FMN1: variants seen among roughly 807,000 people sequenced by gnomAD.
The protein encoded by FMN1 is formin-1.
Under a neutral mutation model 132.4 loss-of-function variants are expected in FMN1, and 110 were observed. That is an observed-to-expected ratio of 0.83 (90% confidence interval 0.71 to 0.97). The LOEUF (loss-of-function observed/expected upper bound fraction) is 0.97, where lower values mean the gene tolerates loss of function less well. Among genes scored for constraint, FMN1 ranks in the 50% least tolerant of loss-of-function variants. The pLI, the probability that FMN1 is intolerant of heterozygous loss-of-function variation, is 0.00. For synonymous variants in FMN1, 722 were observed against 651.7 expected (o/e 1.11, Z -1.64); for missense variants, 1,792 against 1,705.3 (o/e 1.05, Z -0.90).
chr15:33,053,793 G>A (rs2037090337), intron 6 of FMN1, among the ~76,000 whole-genome samples: 1 of 152,206 alleles, frequency 6.6e-6, no homozygotes, highest in Admixed American at 6.5e-5. Context: ...CTCTGCCCCT[G>A]TGGAGCTGAG....
chr15:32,789,760 C>T (rs2057006702), intron 19 of FMN1, among the ~76,000 whole-genome samples: 1 of 152,186 alleles, frequency 6.6e-6, no homozygotes, highest in Non-Finnish European at 1.5e-5. Flanking sequence ...GTTAAGCGCC[C>T]TACACAGGTG....
At position 32,898,878 on chromosome 15, in the gene FMN1, G is replaced by A. The variant is rs756719597; in HGVS notation, c.3670C>T (p.Leu1224=). 2 of 1,595,608 alleles carry A rather than the reference G, an allele frequency of 1.3e-6. No homozygotes were observed. The highest frequency in any genetic ancestry group is 2.2e-5 in the East Asian group (1 of 44,650). ...TAATACTTAACAACGTAGTCCACCA[G>A]ATTAATCCCATTATCCTAGGTTTAA... ...DVKSRDNGIN[L]VDYVVKYYLR... The change falls in exon 15 of 21, where the codon CTG becomes TTG. Residue 1224 remains leucine (L), a synonymous_variant. Coordinates refer to ENST00000616417, the MANE Select transcript of FMN1 (RefSeq NM_001277313.2).
At chr15:32,878,875 A>G (rs950094371) in intron 16 of FMN1, among the ~76,000 whole-genome samples, 1 of 152,230 alleles carries the variant, frequency 6.6e-6, no homozygotes, top group Non-Finnish European at 1.5e-5. Context: ...GTGTTTTTAT[A>G]AAATAGAGGG....
At chr15:33,082,872 T>C (rs1470721741) in intron 5 of FMN1, among the ~76,000 whole-genome samples, 1 of 152,088 alleles carries the variant, frequency 6.6e-6, no homozygotes, top group Admixed American at 6.5e-5. Context: ...TAAATATGAA[T>C]TTTAGATTAA....
intron 6 of FMN1, among the ~76,000 whole-genome samples, chr15:33,057,482 T>A (rs981457793): frequency 2.2e-4 from 33 of 152,194 alleles, no homozygotes. Flanking sequence ...ACAATAATTG[T>A]TTAAAATTAT....
Position 33,022,064 on chromosome 15 carries a change from G to C in FMN1, c.2162-13989C>G, listed in dbSNP as rs776039760. ...GACCTGAGGATACTAAAATCCGTGA[G>C]TCCTTATATATAAATGGTGTAGCAT... On this transcript the variant is annotated intron_variant, in intron 6 of 20. Transcript: ENST00000616417. 2.6e-5 allele frequency among the ~76,000 whole-genome samples: 4 copies of C among 152,302 alleles called. 1 individual carries two copies. The highest frequency in any genetic ancestry group is 2.6e-4 in the Admixed American group (4 of 15,302).
intron 17 of FMN1, among the ~76,000 whole-genome samples, chr15:32,823,424 A>G (rs2058285445): frequency 6.6e-6 from 1 of 152,062 alleles, no homozygotes; most frequent in African/African-American, 2.4e-5. Flanking sequence ...TTGGCCTCCC[A>G]AAGTGCTGGG....
intron 9 of FMN1, among the ~76,000 whole-genome samples, chr15:32,955,487 C>G (rs915273168): frequency 1.3e-5 from 2 of 152,288 alleles, no homozygotes; most frequent in South Asian, 4.1e-4. Flanking sequence ...GGCCAGAGGA[C>G]TCACTATCAC....
intron 17 of FMN1, among the ~76,000 whole-genome samples, chr15:32,840,793 T>C (rs2058729476): frequency 2.0e-5 from 3 of 152,078 alleles, no homozygotes; most frequent in African/African-American, 7.2e-5. Context: ...GAACATTGAG[T>C]GGACTGTAAC....
intron 7 of FMN1, among the ~76,000 whole-genome samples, chr15:32,993,252 T>TA (rs1424594816): frequency 6.6e-6 from 1 of 152,220 alleles, no homozygotes; most frequent in Non-Finnish European, 1.5e-5. Context: ...ATAAGTCAAA[T>TA]AGGTCAAATA....
chr15:33,160,428 G>C (rs1348780005), intron 3 of FMN1, among the ~76,000 whole-genome samples: 1 of 152,152 alleles, frequency 6.6e-6, no homozygotes, highest in Non-Finnish European at 1.5e-5. Flanking sequence ...TTCCATGTCA[G>C]AAGAAGGCTT....
At chr15:32,774,944 G>C (rs16958734) in intron 20 of FMN1, among the ~76,000 whole-genome samples, 25,472 of 151,984 alleles carry the variant, frequency 0.17, 2,131 homozygotes, top group East Asian at 0.18. Flanking sequence ...CTGGGAAGAC[G>C]TAAGAATACA....
chr15:33,067,984 C>G, intron 5 of FMN1: 1 of 1,480,022 alleles, frequency 6.8e-7, no homozygotes, highest in Non-Finnish European at 8.9e-7. Flanking sequence ...GGACAGAGAG[C>G]AACAGGACCC....
Position 32,908,603 on chromosome 15 carries a change from CAA to C in FMN1, c.3289-27_3289-26del, listed in dbSNP as rs71424680. The C allele has an allele frequency of 0.1, 60,777 of 590,172 alleles. 279 individuals are homozygous for C. The highest frequency in any genetic ancestry group is 0.14 in the African/African-American group (5,459 of 39,396). 36.6% of individuals were successfully genotyped at this position (590,172 alleles called of 1,614,324 possible). On this transcript the variant is annotated intron_variant, in intron 11 of 20. Transcript: ENST00000616417. ...TCTGTATCAAAATAGAAAACAAAAC[CAA>C]AAAAAAAAAAAAAAAAAAGGGAAGT...
rs2039788451 is a variant in FMN1 at position 33,113,411 on chromosome 15, TC to T, written c.1868-24438del. 7.2e-5 allele frequency among the ~76,000 whole-genome samples: 8 copies of T among 111,210 alleles called. No homozygotes were observed. The South Asian group carries it at 3.0e-3, about 42-fold the overall frequency. 73.0% of individuals were successfully genotyped at this position (111,210 alleles called of 152,430 possible). A position where few individuals can be genotyped will look rare whatever the true frequency, so the allele number is the denominator to read the frequency against. Reference sequence around the variant, plus strand: ...AGTTCAGTGATTTCATTCCAGCCTTTCTTTCTTTACAAAATTTTTGTTGTTG... The same window carrying T: ...AGTTCAGTGATTTCATTCCAGCCTTTTTTCTTTACAAAATTTTTGTTGTTG... On this transcript the variant is annotated intron_variant, in intron 4 of 20. Transcript: ENST00000616417.
Position 32,901,939 on chromosome 15 carries a change from T to C in FMN1, c.3479A>G (p.Lys1160Arg), listed in dbSNP as rs747085147. 1 of 1,612,836 alleles carries C rather than the reference T, an allele frequency of 6.2e-7. No individual in the cohort carries two copies. Among genetic ancestry groups the C allele is most frequent in the Non-Finnish European group, 8.5e-7 (1 of 1,179,456 alleles). Residue 1160 changes from lysine to arginine, a missense_variant, in exon 13 of 21, where the codon AAG becomes AGG. Lys to Arg is a conservative substitution (Grantham distance 26). Around this residue, in one of 3 missense-constraint regions of FMN1, gnomAD observed 1,150 missense variants for 1,043.1 expected, o/e 1.10. Transcript: ENST00000616417. ...FSEGITSLHR[K>R]VEIITRASKD... ...AGAAGCTCGCGTGATGATCTCTACCTTTCTGTGCAAGGAGGTGATACCCTC... is the reference window on the plus strand; with the variant it reads ...AGAAGCTCGCGTGATGATCTCTACCCTTCTGTGCAAGGAGGTGATACCCTC...
rs73380700 is a variant in FMN1, at chr15:33,158,066, G to C, written c.-131-3021C>G. 2.9e-3 allele frequency among the ~76,000 whole-genome samples: 440 copies of C among 151,810 alleles called. 2 individuals carry two copies. The highest frequency in any genetic ancestry group is 1.0e-2 in the African/African-American group (413 of 41,338). ...TGGAGAGCTTCAACATGTCTGATCA[G>C]GTAAAGTGCTGCTCCCTAAGGTCAT... On this transcript the variant is annotated intron_variant, in intron 3 of 20. Coordinates refer to ENST00000616417, the MANE Select transcript of FMN1 (RefSeq NM_001277313.2).
intron 16 of FMN1, among the ~76,000 whole-genome samples, chr15:32,873,916 G>A (rs1001149428): frequency 3.3e-5 from 5 of 151,608 alleles, no homozygotes; most frequent in South Asian, 4.2e-4. Flanking sequence ...CAGCAAAACC[G>A]CTCCATCATT....
At chr15:32,924,016 C>A (rs12148476) in intron 10 of FMN1, among the ~76,000 whole-genome samples, 9,599 of 152,286 alleles carry the variant, frequency 0.063, 429 homozygotes, top group Middle Eastern at 0.15. Context: ...TCAAAACAGT[C>A]AGTCCTTTAC....
Sources: allele counts gnomAD v4.1 joint callset (sites outside exome capture counted in the v4.1 genomes callset), GRCh38; gene constraint gnomAD v4.1.1; regional missense constraint gnomAD v4.1.1; transcripts MANE v1.5; gene names NCBI Gene and HGNC (gene_info 2026-07-23, HGNC 2026-07-21).